Variants in ANKS1B observed in about 807,000 individuals in gnomAD.
The protein encoded by ANKS1B is ankyrin repeat and sterile alpha motif domain containing 1B, also known as ankyrin repeat and sterile alpha motif domain-containing protein 1B.
ANKS1B carries 36 observed loss-of-function variants against 148.3 expected under a neutral mutation model. That is an observed-to-expected ratio of 0.24 (90% CI 0.19 to 0.32). ANKS1B has a LOEUF of 0.32. Ranked by LOEUF, ANKS1B falls within the 10% of genes least tolerant of loss-of-function variation. ANKS1B has a pLI of 1.00. For synonymous variants in ANKS1B, 542 were observed against 560.8 expected (o/e 0.97, Z 0.47); for missense variants, 1,157 against 1,542.6 (o/e 0.75, Z 4.19).
chr12:99,591,377 T>C (rs2097701461), intron 9 of ANKS1B, among the ~76,000 whole-genome samples: 1 of 152,080 alleles, frequency 6.6e-6, no homozygotes, highest in Non-Finnish European at 1.5e-5. Context: ...ATTCTGATGG[T>C]CAAAGTAACC....
chr12:99,263,357 T>TTACTGTACAG (rs1434083820), intron 12 of ANKS1B, among the ~76,000 whole-genome samples: 2 of 152,108 alleles, frequency 1.3e-5, no homozygotes, highest in Admixed American at 6.6e-5. Context: ...ACTGTATATT[T>TTACTGTACAG]TATACCTTCT....
At chr12:99,565,786 A>G (rs2097385068) in intron 9 of ANKS1B, among the ~76,000 whole-genome samples, 1 of 152,186 alleles carries the variant, frequency 6.6e-6, no homozygotes, top group East Asian at 1.9e-4. Flanking sequence ...TTCTGCTTCA[A>G]TAAATTTCTC....
intron 1 of ANKS1B, among the ~76,000 whole-genome samples, chr12:99,955,004 C>A (rs2095294136): frequency 6.6e-6 from 1 of 152,186 alleles, no homozygotes; most frequent in African/African-American, 2.4e-5. Flanking sequence ...ACCATTGAGA[C>A]TTTGATTGCC....
intron 10 of ANKS1B, among the ~76,000 whole-genome samples, chr12:99,465,305 A>G (rs2096079300): frequency 6.6e-6 from 1 of 152,210 alleles, no homozygotes; most frequent in Admixed American, 6.5e-5. Context: ...CTAAACATGG[A>G]AAGGAACAAC....
At chr12:99,268,886 G>A (rs946425783) in intron 12 of ANKS1B, among the ~76,000 whole-genome samples, 6 of 152,152 alleles carry the variant, frequency 3.9e-5, no homozygotes, top group African/African-American at 9.7e-5. Flanking sequence ...ATTAGGGAAC[G>A]CCATTTGAGA....
rs11109987 is a variant in ANKS1B at position 99,673,122 on chromosome 12, A to G, written c.1129-17912T>C. On this transcript the variant is annotated intron_variant, in intron 8 of 26. Coordinates refer to ENST00000683438, the MANE Select transcript of ANKS1B (RefSeq NM_001352186.2). ...TCTAAGACCATATAATCTTAGGTGAAAAAGCCTGAGCAGAGAATACAAACG... is the reference window on the plus strand; with the variant it reads ...TCTAAGACCATATAATCTTAGGTGAGAAAGCCTGAGCAGAGAATACAAACG... Among the ~76,000 whole-genome samples the G allele has an allele frequency of 0.035, 5,352 of 152,204 alleles. 436 individuals carry two copies. The East Asian group carries it at 0.36, about 10-fold the overall frequency.
chr12:99,297,093 T>C (rs1030675601), intron 12 of ANKS1B, among the ~76,000 whole-genome samples: 1 of 152,206 alleles, frequency 6.6e-6, no homozygotes, highest in Non-Finnish European at 1.5e-5. Context: ...ACTTTAGGAA[T>C]GTGAATATCT....
chr12:98,806,831 T>C (rs2099054405), intron 20 of ANKS1B, among the ~76,000 whole-genome samples: 1 of 152,206 alleles, frequency 6.6e-6, no homozygotes, highest in Non-Finnish European at 1.5e-5. Flanking sequence ...ATAAAAGCTC[T>C]GGTTAACATT....
chr12:99,982,249 A>G (rs2095713097), intron 1 of ANKS1B, among the ~76,000 whole-genome samples: 1 of 151,830 alleles, frequency 6.6e-6, no homozygotes, highest in African/African-American at 2.4e-5. Flanking sequence ...CAAGATATAC[A>G]CTGTGGGTCA....
intron 10 of ANKS1B, among the ~76,000 whole-genome samples, chr12:99,475,255 G>GAA (rs561280407): frequency 4.6e-5 from 5 of 109,850 alleles, no homozygotes; most frequent in Non-Finnish European, 6.0e-5. Flanking sequence ...AAAAAAAAAA[G>GAA]AAAAAAAAAA....
chr12:99,748,584 A>G (rs1056499934), intron 8 of ANKS1B, among the ~76,000 whole-genome samples: 3 of 152,040 alleles, frequency 2.0e-5, no homozygotes, highest in Non-Finnish European at 2.9e-5. Flanking sequence ...TTTTCTAGAC[A>G]CCAGTAATAC....
chr12:99,520,779 T>C (rs1261290931), intron 9 of ANKS1B, among the ~76,000 whole-genome samples: 2 of 152,112 alleles, frequency 1.3e-5, no homozygotes, highest in East Asian at 3.9e-4. Context: ...TTCCTCTGAC[T>C]GTGTTTTTTG....
chr12:99,374,595 T>C (rs1431764664), intron 12 of ANKS1B, among the ~76,000 whole-genome samples: 2 of 152,230 alleles, frequency 1.3e-5, no homozygotes, highest in Non-Finnish European at 2.9e-5. Context: ...TATTTCAATG[T>C]TTAATATGGG....
chr12:98,975,292 A>T (rs1309613016), intron 17 of ANKS1B, among the ~76,000 whole-genome samples: 78 of 65,084 alleles, frequency 1.2e-3, no homozygotes, highest in East Asian at 2.0e-3. Flanking sequence ...TTTTTTCTCT[A>T]CCTCCCTCCC....
intron 12 of ANKS1B, among the ~76,000 whole-genome samples, chr12:99,392,487 T>A (rs570352229): frequency 6.6e-6 from 1 of 152,250 alleles, no homozygotes; most frequent in Non-Finnish European, 1.5e-5. Flanking sequence ...TCTCCTCCCA[T>A]CAGTTTTCTC....
rs375863323 is a variant in ANKS1B at position 99,089,500 on chromosome 12, C to T, written c.2527-4477G>A. 4.8e-4 allele frequency among the ~76,000 whole-genome samples: 73 copies of T among 152,296 alleles called. No homozygotes were observed. The South Asian group carries it at 0.012, about 26-fold the overall frequency. ...ATTGGACAACAAAGATACAGAACAT[C>T]GCCATCATTGTAGCAAGTTCCATTA... On this transcript the variant is annotated intron_variant, in intron 15 of 26. Coordinates refer to ENST00000683438, the MANE Select transcript of ANKS1B (RefSeq NM_001352186.2).
chr12:99,731,744 G>A (rs2059181866), intron 8 of ANKS1B, among the ~76,000 whole-genome samples: 1 of 151,906 alleles, frequency 6.6e-6, no homozygotes, highest in African/African-American at 2.4e-5. Context: ...TGTAATTTTG[G>A]GATAGGCAAA....
chr12:98,943,126 G>A (rs753595343), intron 17 of ANKS1B, among the ~76,000 whole-genome samples: 3 of 152,202 alleles, frequency 2.0e-5, no homozygotes, highest in Non-Finnish European at 2.9e-5. Flanking sequence ...TTGGGCTTGT[G>A]ATTACTGGGT....
intron 12 of ANKS1B, among the ~76,000 whole-genome samples, chr12:99,294,980 A>G (rs2080650044): frequency 6.6e-6 from 1 of 152,216 alleles, no homozygotes; most frequent in African/African-American, 2.4e-5. Flanking sequence ...ACAAAGAAAT[A>G]ATAAATGCTT....
Sources: allele counts gnomAD v4.1 joint callset (sites outside exome capture counted in the v4.1 genomes callset), GRCh38; gene constraint gnomAD v4.1.1; transcripts MANE v1.5; gene names NCBI Gene and HGNC (gene_info 2026-07-23, HGNC 2026-07-21).